SCARB1: variants seen among roughly 807,000 people sequenced by gnomAD.
SCARB1 encodes CD36 and LIMPII analogous 1.
A neutral mutation model predicts 57.2 loss-of-function variants in SCARB1; 30 were observed. That is an observed-to-expected ratio of 0.52 (90% confidence interval 0.39 to 0.71). SCARB1 has a LOEUF of 0.71. Ranked by LOEUF, SCARB1 falls within the 30% of genes least tolerant of loss-of-function variation. The pLI is 0.00. For missense variants in SCARB1, 543 were observed against 671.2 expected, an observed-to-expected ratio of 0.81 and a Z score of 2.11; for synonymous variants, 249 against 268.3, an observed-to-expected ratio of 0.93 and a Z score of 0.70.
intron 1 of SCARB1, among the ~76,000 whole-genome samples, chr12:124,830,872 G>C (rs1212956696): frequency 1.3e-5 from 2 of 152,072 alleles, no homozygotes; most frequent in African/African-American, 4.8e-5. Flanking sequence ...GAGTGCAGTG[G>C]TGTGATCTCA....
At chr12:124,779,746 C>T (rs1352586407) in intron 12 of SCARB1, among the ~76,000 whole-genome samples, 1 of 152,124 alleles carries the variant, frequency 6.6e-6, no homozygotes, top group East Asian at 1.9e-4. Context: ...CTCCCTGCCC[C>T]GGTGGCTGGG....
At chr12:124,857,040 G>A (rs1476797059) in intron 1 of SCARB1, among the ~76,000 whole-genome samples, 1 of 152,186 alleles carries the variant, frequency 6.6e-6, no homozygotes, top group African/African-American at 2.4e-5. Context: ...GGCAGCCCAG[G>A]AAGAGAATAT....
At chr12:124,788,526 A>G (rs533634265) in intron 9 of SCARB1, among the ~76,000 whole-genome samples, 104 of 152,340 alleles carry the variant, frequency 6.8e-4, no homozygotes, top group African/African-American at 2.5e-3. Flanking sequence ...ACGCAGATGC[A>G]AGGGCTGGAG....
chr12:124,817,802 G>T lies in SCARB1; in HGVS notation c.127-95C>A, dbSNP rs568470298. On this transcript the variant is annotated intron_variant, in intron 1 of 12. Transcript: ENST00000261693. The surrounding 1 kb of genome is among the most constrained non-coding windows in gnomAD (Gnocchi z 4.8). Reference sequence around the variant, plus strand: ...GGAACAGCTGCCCGAGCCCGGCCAGGGAAGGGGCTCCTCGGCGGGAGCTTG... The same window carrying T: ...GGAACAGCTGCCCGAGCCCGGCCAGTGAAGGGGCTCCTCGGCGGGAGCTTG... 4.4e-6 allele frequency: 6 copies of T among 1,366,968 alleles called. No individual in the cohort carries two copies. The highest frequency in any genetic ancestry group is 6.3e-6 in the Non-Finnish European group (6 of 956,530). The allele number at this position is 1,366,968 out of a possible 1,614,324, so 84.7% of individuals were successfully genotyped here.
chr12:124,817,542 A>G lies in SCARB1; in HGVS notation c.284+8T>C. On this transcript the variant is annotated splice_region_variant and intron_variant, in intron 2 of 12. Coordinates refer to ENST00000261693, the MANE Select transcript of SCARB1 (RefSeq NM_005505.5). The surrounding 1 kb of genome is among the most constrained non-coding windows in gnomAD (Gnocchi z 4.8). The stretch of plus-strand genomic sequence containing the variant: ...GGCCCCTCCACCCTCACCTGGACAC[A>G]GCCTCACCTGTACACGTAGGGCCCG... 1 of 1,613,420 alleles carries G rather than the reference A, an allele frequency of 6.2e-7. No individual in the cohort carries two copies. The highest frequency in any genetic ancestry group is 1.1e-5 in the South Asian group (1 of 91,078).
At chr12:124,832,519 C>CAAA (rs59808483) in intron 1 of SCARB1, among the ~76,000 whole-genome samples, 4 of 144,426 alleles carry the variant, frequency 2.8e-5, no homozygotes, top group Admixed American at 6.9e-5. Context: ...GACTTGGTCT[C>CAAA]AAAAAAAAAA....
intron 6 of SCARB1, among the ~76,000 whole-genome samples, chr12:124,808,632 C>A (rs1019976810): frequency 1.5e-4 from 23 of 152,178 alleles, no homozygotes; most frequent in Non-Finnish European, 2.6e-4. Flanking sequence ...TCCCCCACAC[C>A]CACCCCATCC....
At chr12:124,797,704 GC>G (rs1352552068) in intron 8 of SCARB1, among the ~76,000 whole-genome samples, 4 of 152,226 alleles carry the variant, frequency 2.6e-5, no homozygotes, top group Non-Finnish European at 5.9e-5. Flanking sequence ...TTCTCCGGAA[GC>G]CAGCAGAGCA....
chr12:124,805,211 CAG>C (rs1337806862), intron 7 of SCARB1, among the ~76,000 whole-genome samples: 1 of 151,916 alleles, frequency 6.6e-6, no homozygotes, highest in Non-Finnish European at 1.5e-5. Context: ...AACAGGAAAT[CAG>C]AGGAGGCCTC....
intron 1 of SCARB1, among the ~76,000 whole-genome samples, chr12:124,855,326 G>A (rs933321458): frequency 2.6e-5 from 4 of 152,078 alleles, no homozygotes; most frequent in African/African-American, 9.7e-5. Flanking sequence ...GAGGCTTCCT[G>A]GAACCCGGGA....
Position 124,809,471 on chromosome 12 carries a change from C to G in SCARB1, c.842+703G>C, listed in dbSNP as rs920624263. On this transcript the variant is annotated intron_variant, in intron 6 of 12. Coordinates refer to ENST00000261693, the MANE Select transcript of SCARB1 (RefSeq NM_005505.5). ...AAAACTTAAAATAGTAAAAAGTGGC[C>G]ACACAGAGCAAAAGCACTGTCACTC... is the stretch of plus-strand genomic sequence containing the variant. 6.6e-5 allele frequency among the ~76,000 whole-genome samples: 10 copies of G among 152,102 alleles called. 1 individual carries two copies. The South Asian group carries it at 2.1e-3, about 32-fold the overall frequency.
Position 124,810,196 on chromosome 12 carries a change from A to G in SCARB1, c.820T>C (p.Phe274Leu). 6.2e-7 allele frequency: 1 copy of G among 1,613,388 alleles called. No homozygotes were observed. Among genetic ancestry groups the G allele is most frequent in the Non-Finnish European group, 8.5e-7 (1 of 1,179,418 alleles). ...TACCGGCAGGCCTCCGGGCTGTAGAACTCCAGCGAGGACTCAGGAGTCATG... is the reference window on the plus strand; with the variant it reads ...TACCGGCAGGCCTCCGGGCTGTAGAGCTCCAGCGAGGACTCAGGAGTCATG... Reference protein sequence around the residue: ...PFMTPESSLEFYSPEACRSMK... With the variant: ...PFMTPESSLELYSPEACRSMK... Residue 274 changes from phenylalanine (F) to leucine (L), a missense_variant, in exon 6 of 13, where the codon TTC becomes CTC. Coordinates refer to ENST00000261693, the MANE Select transcript of SCARB1 (RefSeq NM_005505.5). This position sits in a 1 kb window ranked among gnomAD's most constrained non-coding sequence, Gnocchi z 4.0.
chr12:124,787,566 C>T, intron 9 of SCARB1, 109 bp from the exon 10 acceptor site: 2 of 922,446 alleles, frequency 2.2e-6, no homozygotes, highest in Non-Finnish European at 3.4e-6. Flanking sequence ...TTTGCACACA[C>T]TAAACCCTCA....
chr12:124,859,900 A>G (rs576728580), intron 1 of SCARB1, among the ~76,000 whole-genome samples: 1 of 151,598 alleles, frequency 6.6e-6, no homozygotes, highest in South Asian at 2.1e-4. Flanking sequence ...TCAATTAGTA[A>G]TGTGTTTTTA....
At chr12:124,848,316 T>C (rs1258792451) in intron 1 of SCARB1, among the ~76,000 whole-genome samples, 1 of 152,164 alleles carries the variant, frequency 6.6e-6, no homozygotes, top group Non-Finnish European at 1.5e-5. Flanking sequence ...TCTCTTGACC[T>C]TGTGATCCAC....
At chr12:124,829,965 C>G (rs1951322872) in intron 1 of SCARB1, among the ~76,000 whole-genome samples, 2 of 152,194 alleles carry the variant, frequency 1.3e-5, no homozygotes, top group South Asian at 4.1e-4. Flanking sequence ...GGAATTCAGT[C>G]ACAATGGATG....
rs74985635 is a variant in SCARB1, at chr12:124,796,231, G to A, written c.1129-963C>T. Among the ~76,000 whole-genome samples the A allele has an allele frequency of 0.012, 1,801 of 152,276 alleles. 18 individuals carry two copies. Among genetic ancestry groups the A allele is most frequent in the South Asian group, 0.048 (233 of 4,822 alleles). On this transcript the variant is annotated intron_variant, in intron 8 of 12. Transcript: ENST00000261693. This position sits in a 1 kb window ranked among gnomAD's most constrained non-coding sequence, Gnocchi z 4.0. Reference sequence around the variant, plus strand: ...GGCCTCCCAAAGTGGGATTACAGGCGTGAGCCACCACACCCAGCCTATTTA... The same window carrying A: ...GGCCTCCCAAAGTGGGATTACAGGCATGAGCCACCACACCCAGCCTATTTA...
chr12:124,825,224 CAAAAAAAA>C (rs60776063), intron 1 of SCARB1, among the ~76,000 whole-genome samples: 20 of 43,686 alleles, frequency 4.6e-4, no homozygotes, highest in Non-Finnish European at 7.0e-4. Context: ...GACTCCATCT[CAAAAAAAA>C]AAAAAAAAAA....
chr12:124,785,671 G>A (rs1949486414), intron 11 of SCARB1: 1 of 193,032 alleles, frequency 5.2e-6, no homozygotes, highest in Admixed American at 5.4e-5. Context: ...GTACACACAG[G>A]ATTTCAAAGA....
Sources: allele counts gnomAD v4.1 joint callset (sites outside exome capture counted in the v4.1 genomes callset), GRCh38; gene constraint gnomAD v4.1.1; non-coding constraint Gnocchi (gnomAD v3.1); transcripts MANE v1.5; gene names NCBI Gene and HGNC (gene_info 2026-07-23, HGNC 2026-07-21).